The following TBC1D13 variants were observed in gnomAD, a reference collection of about 807,000 sequenced individuals.
TBC1D13 encodes the protein TBC1 domain family member 13, also known as epididymis secretory sperm binding protein.
A neutral mutation model predicts 53.6 loss-of-function variants in TBC1D13; 40 were observed. The observed-to-expected ratio is 0.75, with a 90% CI of 0.58 to 0.97. The LOEUF is 0.97. Among genes scored for constraint, TBC1D13 ranks in the 50% least tolerant of loss-of-function variants. The pLI, the probability that TBC1D13 is intolerant of heterozygous loss-of-function variation, is 0.00. For missense variants in TBC1D13, 377 were observed against 499.4 expected (o/e 0.75, Z 2.34); for synonymous variants, 182 against 197.7 (o/e 0.92, Z 0.67).
intron 2 of TBC1D13, among the ~76,000 whole-genome samples, chr9:128,790,531 G>T (rs1313717250): frequency 6.6e-6 from 1 of 152,212 alleles, no homozygotes; most frequent in African/African-American, 2.4e-5. Context: ...CCGAGATTGC[G>T]CCACTTCACT....
chr9:128,804,820 C>G (rs1427739540), intron 9 of TBC1D13, among the ~76,000 whole-genome samples: 1 of 150,494 alleles, frequency 6.6e-6, no homozygotes, highest in African/African-American at 2.4e-5. Flanking sequence ...CCTCCGCCTC[C>G]CAGGTTCAAG....
intron 5 of TBC1D13, 62 bp from the exon 6 acceptor site, chr9:128,792,430 A>C: frequency 2.0e-6 from 3 of 1,481,538 alleles, no homozygotes; most frequent in Non-Finnish European, 1.9e-6. Flanking sequence ...GGTTTCCGGG[A>C]TAGAATCGGG....
chr9:128,805,268 A>G (rs1045504391), intron 9 of TBC1D13, among the ~76,000 whole-genome samples: 34 of 152,262 alleles, frequency 2.2e-4, no homozygotes, highest in African/African-American at 8.2e-4. Context: ...TCAAGGCTGC[A>G]GTGAGCCATC....
chr9:128,793,922 T>A (rs1010760608), intron 6 of TBC1D13, among the ~76,000 whole-genome samples: 2 of 152,184 alleles, frequency 1.3e-5, no homozygotes, highest in African/African-American at 4.8e-5. Flanking sequence ...ACTGAAACAG[T>A]CTCTGCCTTC....
chr9:128,793,087 G>A (rs12236573), intron 6 of TBC1D13, among the ~76,000 whole-genome samples: 3,626 of 152,350 alleles, frequency 0.024, 106 homozygotes, highest in East Asian at 0.12. Context: ...GGAGTGGGAG[G>A]CCTCAGGGGA....
chr9:128,804,732 T>G (rs796882341), intron 9 of TBC1D13, among the ~76,000 whole-genome samples: 1 of 107,018 alleles, frequency 9.3e-6, no homozygotes, highest in East Asian at 2.5e-4. Flanking sequence ...TTTTTTTTTT[T>G]TTTTTTTTTT....
intron 9 of TBC1D13, 61 bp downstream of exon 9, chr9:128,804,180 C>T: frequency 6.3e-7 from 1 of 1,581,664 alleles, no homozygotes. Flanking sequence ...GCTGTGCCAT[C>T]CCAGCCCAGG....
Position 128,791,430 on chromosome 9 carries a change from G to A in TBC1D13, c.189G>A (p.Leu63=). ...AGAGAGCCTCATGGACCTCCATCCT[G>A]GCCAAGCAGAGGTGAGACCCCGTGT... The part of the protein sequence containing the change: ...PLERASWTSI[L]AKQRELYAQF... Residue 63 remains leucine (L), a synonymous_variant, in exon 4 of 12, where the codon CTG becomes CTA. Transcript: ENST00000372648. 1 of 1,614,126 alleles carries A rather than the reference G, an allele frequency of 6.2e-7. No individual in the cohort carries two copies. Among genetic ancestry groups the A allele is most frequent in the African/African-American group, 1.3e-5 (1 of 75,014 alleles).
At chr9:128,795,650 C>T (rs761406848) in intron 6 of TBC1D13, among the ~76,000 whole-genome samples, 8 of 151,898 alleles carry the variant, frequency 5.3e-5, no homozygotes, top group Non-Finnish European at 7.4e-5. Context: ...TCATTAGAGA[C>T]GAGGTTTCAC....
intron 5 of TBC1D13, 104 bp downstream of exon 5, chr9:128,791,797 G>C: frequency 3.1e-6 from 3 of 964,056 alleles, no homozygotes; most frequent in Non-Finnish European, 4.9e-6. Context: ...GTGCAGTCTG[G>C]TGTCAGTCCC....
chr9:128,798,751 C>T lies in TBC1D13; in HGVS notation c.543+1537C>T, dbSNP rs78273921. ...TGGTCTCTGGAATAGTGGCTTGTTC[C>T]CCTAAACTTTTCACTGTCTTCCATC... On this transcript the variant is annotated intron_variant, in intron 7 of 11. Transcript: ENST00000372648. Among the ~76,000 whole-genome samples the T allele has an allele frequency of 8.0e-3, 1,220 of 152,262 alleles. 31 individuals carry two copies. The East Asian group carries it at 0.082, about 10-fold the overall frequency.
chr9:128,792,622 G>A (rs1829555554), intron 6 of TBC1D13, 48 bp downstream of exon 6: 3 of 1,517,120 alleles, frequency 2.0e-6, no homozygotes, highest in Non-Finnish European at 1.8e-6. Flanking sequence ...GACTTCTGGG[G>A]CTCTCTGCAG....
rs1829871880 is a variant in TBC1D13, at chr9:128,808,083, C to T, written c.*204C>T. ...CTCCCCACCTGCCCTGCACTCTGCC[C>T]TCTTTGCCCAGGATACTGAGGAGGG... On this transcript the variant is annotated 3_prime_UTR_variant, in exon 12 of 12. Transcript: ENST00000372648. 3.4e-6 allele frequency: 2 copies of T among 584,998 alleles called. No homozygotes were observed. The highest frequency in any genetic ancestry group is 6.2e-6 in the Non-Finnish European group (2 of 324,446). 36.2% of individuals were successfully genotyped at this position (584,998 alleles called of 1,614,324 possible).
intron 7 of TBC1D13, among the ~76,000 whole-genome samples, chr9:128,799,807 G>A (rs1397475633): frequency 1.3e-5 from 2 of 152,172 alleles, no homozygotes; most frequent in African/African-American, 4.8e-5. Context: ...GGATCATGAG[G>A]TCAGGAGATC....
In TBC1D13 at chr9:128,797,094, T is replaced by A. The variant is rs192416782; in HGVS notation, c.423T>A (p.Thr141=). ...ACATTTCCTTCTTCCAGAGGGCCAC[T>A]GACTACCCTTGCCTCCTCATCCTGG... ...CPDISFFQRA[T]DYPCLLILDP... Residue 141 remains threonine, a synonymous_variant, in exon 7 of 12, where the codon ACT becomes ACA. Transcript: ENST00000372648. The A allele has an allele frequency of 8.7e-6, 14 of 1,614,072 alleles. No homozygotes were observed. The East Asian group carries it at 3.1e-4, about 36-fold the overall frequency.
At position 128,792,477 on chromosome 9, in the gene TBC1D13, C is replaced by T. The variant is rs1272479462; in HGVS notation, c.301-15C>T. On this transcript the variant is annotated splice_polypyrimidine_tract_variant and intron_variant, in intron 5 of 11. Coordinates refer to ENST00000372648, the MANE Select transcript of TBC1D13 (RefSeq NM_018201.5). ...AGCTGGGCCTTGGACAGAGCATCTTCATTTCTCCCCACAGCCACTCAACCC... is the reference window on the plus strand; with the variant it reads ...AGCTGGGCCTTGGACAGAGCATCTTTATTTCTCCCCACAGCCACTCAACCC... The T allele has an allele frequency of 1.2e-6, 2 of 1,613,610 alleles. No homozygotes were observed. The highest frequency in any genetic ancestry group is 2.2e-5 in the South Asian group (2 of 91,064).
Position 128,796,330 on chromosome 9 carries a change from A to G in TBC1D13, c.384-725A>G, listed in dbSNP as rs571109528. On this transcript the variant is annotated intron_variant, in intron 6 of 11. Coordinates refer to ENST00000372648, the MANE Select transcript of TBC1D13 (RefSeq NM_018201.5). ...AATGGCACGATCTCGGCTCACTGCA[A>G]CCTCCGCCTCCCAGGTTCAAGCGAT... is the stretch of plus-strand genomic sequence containing the variant. Among the ~76,000 whole-genome samples the G allele has an allele frequency of 1.8e-4, 27 of 150,954 alleles. No homozygotes were observed. The South Asian group carries it at 4.8e-3, about 27-fold the overall frequency.
intron 2 of TBC1D13, 73 bp from the exon 3 acceptor site, chr9:128,790,662 T>C: frequency 1.4e-6 from 2 of 1,426,814 alleles, no homozygotes; most frequent in Admixed American, 5.3e-5. Context: ...CCCCGCCAGT[T>C]GGCTCCACGG....
At chr9:128,800,123 G>T (rs1275062158) in intron 7 of TBC1D13, among the ~76,000 whole-genome samples, 2 of 152,222 alleles carry the variant, frequency 1.3e-5, no homozygotes, top group East Asian at 3.9e-4. Context: ...TGTATGTTAG[G>T]GGAGAGAGAG....
Sources: gnomAD v4.1 joint callset for allele counts (sites outside exome capture counted in the v4.1 genomes callset) on GRCh38, gnomAD v4.1.1 for gene constraint, MANE v1.5 for transcripts, NCBI Gene and HGNC (gene_info 2026-07-23, HGNC 2026-07-21) for gene names.